The following CSMD1 variants were observed in gnomAD, a reference collection of about 807,000 sequenced individuals.
CSMD1 encodes CUB and Sushi multiple domains 1.
Under a neutral mutation model 417.5 loss-of-function variants are expected in CSMD1, and 213 were observed. The ratio of observed to expected loss-of-function variants is 0.51; its 90% confidence interval spans 0.46 to 0.57. The LOEUF (loss-of-function observed/expected upper bound fraction) is 0.57, where lower values mean the gene tolerates loss of function less well. CSMD1 is among the 20% of genes least tolerant of loss of function. The pLI, the probability that CSMD1 is intolerant of heterozygous loss-of-function variation, is 0.00. For synonymous variants in CSMD1, 2,862 were observed against 1,736.8 expected, an observed-to-expected ratio of 1.65 and a Z score of -16.11; for missense variants, 6,923 against 4,529.7, an observed-to-expected ratio of 1.53 and a Z score of -15.17.
chr8:2,973,368 TTAAAGA>T (rs774440623), intron 56 of CSMD1, 69 bp from the exon 57 acceptor site: 28 of 1,444,084 alleles, frequency 1.9e-5, no homozygotes, highest in Non-Finnish European at 2.6e-5. Flanking sequence ...GTTGTCACAC[TTAAAGA>T]TAATGAAAAG....
At chr8:3,905,578 G>A (rs189501931) in intron 5 of CSMD1, among the ~76,000 whole-genome samples, 1 of 152,294 alleles carries the variant, frequency 6.6e-6, no homozygotes, top group East Asian at 1.9e-4. Flanking sequence ...AAACACAGAT[G>A]GCTGGACCCC....
Position 4,442,694 on chromosome 8 carries a change from G to C in CSMD1, c.303-22629C>G, listed in dbSNP as rs141267761. Among the ~76,000 whole-genome samples, 1,450 of 152,236 alleles carry C rather than the reference G, an allele frequency of 9.5e-3. 22 individuals carry two copies. The highest frequency in any genetic ancestry group is 0.033 in the African/African-American group (1,368 of 41,534). On this transcript the variant is annotated intron_variant, in intron 2 of 69. Coordinates refer to ENST00000635120, the MANE Select transcript of CSMD1 (RefSeq NM_033225.6). Reference sequence around the variant, plus strand: ...TTCCCTTATTCAATGTCTCCGAAAAGGTAGTTCCCCGAAATGTGTATTTGT... The same window carrying C: ...TTCCCTTATTCAATGTCTCCGAAAACGTAGTTCCCCGAAATGTGTATTTGT...
intron 1 of CSMD1, among the ~76,000 whole-genome samples, chr8:4,700,263 G>C (rs547537110): frequency 3.3e-5 from 5 of 152,084 alleles, no homozygotes; most frequent in Admixed American, 2.0e-4. Context: ...TAGCAGGAAA[G>C]GTGAAACTCA....
At chr8:3,653,641 G>C (rs1489414886) in intron 7 of CSMD1, among the ~76,000 whole-genome samples, 1 of 151,982 alleles carries the variant, frequency 6.6e-6, no homozygotes, top group Admixed American at 6.6e-5. Context: ...TCCTCCTTTA[G>C]GCCACGAAGC....
At chr8:4,597,651 C>G (rs909936224) in intron 2 of CSMD1, among the ~76,000 whole-genome samples, 1 of 152,100 alleles carries the variant, frequency 6.6e-6, no homozygotes, top group Non-Finnish European at 1.5e-5. Context: ...CTGTAGCATA[C>G]TATAACACAA....
At chr8:3,460,760 C>G (rs1358781244) in intron 12 of CSMD1, among the ~76,000 whole-genome samples, 1 of 152,162 alleles carries the variant, frequency 6.6e-6, no homozygotes, top group East Asian at 1.9e-4. Context: ...TCCAAATTCT[C>G]AAAGAATATA....
intron 3 of CSMD1, among the ~76,000 whole-genome samples, chr8:4,054,464 C>A (rs1049544773): frequency 1.3e-5 from 2 of 152,136 alleles, no homozygotes; most frequent in African/African-American, 4.8e-5. Context: ...TTCTTCTTAG[C>A]AAGAACGACT....
At chr8:3,643,941 G>C (rs1444957285) in intron 7 of CSMD1, among the ~76,000 whole-genome samples, 3 of 152,160 alleles carry the variant, frequency 2.0e-5, no homozygotes, top group Non-Finnish European at 4.4e-5. Context: ...GTATTTAGTT[G>C]GATGAAATGT....
intron 23 of CSMD1, among the ~76,000 whole-genome samples, chr8:3,339,800 G>A (rs73503779): frequency 0.095 from 14,415 of 152,078 alleles, 1,088 homozygotes; most frequent in East Asian, 0.4. Context: ...CAAACAAGTG[G>A]ACACTCATTG....
At chr8:3,843,146 A>C (rs1030072899) in intron 5 of CSMD1, among the ~76,000 whole-genome samples, 2 of 152,148 alleles carry the variant, frequency 1.3e-5, no homozygotes, top group African/African-American at 4.8e-5. Flanking sequence ...CATCTAATGG[A>C]ATCAATTCTC....
chr8:3,480,865 G>T (rs974179568), intron 11 of CSMD1, among the ~76,000 whole-genome samples: 2 of 151,962 alleles, frequency 1.3e-5, no homozygotes, highest in Non-Finnish European at 2.9e-5. Flanking sequence ...CAAATTAAGA[G>T]TAGGTGGTAG....
intron 10 of CSMD1, among the ~76,000 whole-genome samples, chr8:3,546,434 G>A (rs906021238): frequency 1.3e-5 from 2 of 151,974 alleles, no homozygotes; most frequent in Non-Finnish European, 2.9e-5. Context: ...TACTTGGGAG[G>A]CTGAGGCAGG....
intron 49 of CSMD1, among the ~76,000 whole-genome samples, chr8:3,078,470 C>G (rs1318322790): frequency 6.6e-6 from 1 of 152,152 alleles, no homozygotes; most frequent in Non-Finnish European, 1.5e-5. Flanking sequence ...TTGCAAACTG[C>G]AGAAAGTAAC....
At chr8:3,764,270 G>T (rs1261940306) in intron 5 of CSMD1, among the ~76,000 whole-genome samples, 1 of 152,174 alleles carries the variant, frequency 6.6e-6, no homozygotes, top group Non-Finnish European at 1.5e-5. Flanking sequence ...CACTGCCTGT[G>T]TTCCCGTCCA....
chr8:3,837,884 T>C (rs1381451755), intron 5 of CSMD1, among the ~76,000 whole-genome samples: 1 of 152,158 alleles, frequency 6.6e-6, no homozygotes, highest in African/African-American at 2.4e-5. Context: ...CTAGTTTTCA[T>C]TTTCTTCTGT....
intron 17 of CSMD1, among the ~76,000 whole-genome samples, chr8:3,389,033 T>A (rs10100584): frequency 0.06 from 9,074 of 152,256 alleles, 325 homozygotes; most frequent in Middle Eastern, 0.092. Context: ...TGGTACCCAA[T>A]GCTGGGTGAA....
chr8:3,277,494 C>G (rs556120717), intron 26 of CSMD1, among the ~76,000 whole-genome samples: 2 of 152,124 alleles, frequency 1.3e-5, no homozygotes, highest in African/African-American at 4.8e-5. Context: ...AGGGACTCCA[C>G]TGAATGCATT....
At chr8:4,116,101 C>A (rs758383083) in intron 3 of CSMD1, among the ~76,000 whole-genome samples, 1 of 151,784 alleles carries the variant, frequency 6.6e-6, no homozygotes, top group Non-Finnish European at 1.5e-5. Flanking sequence ...TGGGTTCAAG[C>A]GATTTTCCTA....
At chr8:3,149,590 G>A (rs753416559) in intron 40 of CSMD1, among the ~76,000 whole-genome samples, 1 of 152,118 alleles carries the variant, frequency 6.6e-6, no homozygotes, top group Non-Finnish European at 1.5e-5. Flanking sequence ...CGATTCTCTT[G>A]CCTCAGCCTC....
Sources: allele counts gnomAD v4.1 joint callset (sites outside exome capture counted in the v4.1 genomes callset), GRCh38; gene constraint gnomAD v4.1.1; transcripts MANE v1.5; gene names NCBI Gene and HGNC (gene_info 2026-07-23, HGNC 2026-07-21).